The following EPB41L4A variants were observed in gnomAD, a reference collection of about 807,000 sequenced individuals.
The protein encoded by EPB41L4A is erythrocyte membrane protein band 4.1 like 4A.
EPB41L4A carries 100 observed loss-of-function variants against 108.6 expected under a neutral mutation model. The observed-to-expected ratio is 0.92, with a 90% CI of 0.78 to 1.09. The LOEUF (loss-of-function observed/expected upper bound fraction) is 1.09, where lower values mean the gene tolerates loss of function less well. Among genes scored for constraint, EPB41L4A ranks in the 50% least tolerant of loss-of-function variants. EPB41L4A has a pLI of 0.00. For missense variants in EPB41L4A, 1,030 were observed against 842.7 expected (o/e 1.22, Z -2.75); for synonymous variants, 319 against 289.0 (o/e 1.10, Z -1.05).
intron 15 of EPB41L4A, among the ~76,000 whole-genome samples, chr5:112,203,454 T>A (rs1212684173): frequency 6.6e-6 from 1 of 152,180 alleles, no homozygotes; most frequent in Non-Finnish European, 1.5e-5. Context: ...GTCCCTGCCA[T>A]GTAGGAGTGA....
At chr5:112,264,737 G>T in intron 6 of EPB41L4A, 159 bp downstream of exon 6, 1 of 625,806 alleles carries the variant, frequency 1.6e-6, no homozygotes, top group Admixed American at 3.3e-5. Context: ...AGTTTTCGAT[G>T]AGCATTTTAG....
At chr5:112,189,099 A>C (rs553242743) in intron 17 of EPB41L4A, among the ~76,000 whole-genome samples, 2 of 152,366 alleles carry the variant, frequency 1.3e-5, no homozygotes, top group South Asian at 4.1e-4. Flanking sequence ...GACATCTAAA[A>C]GACCCCAATG....
At chr5:112,404,579 A>G (rs1018552698) in intron 1 of EPB41L4A, among the ~76,000 whole-genome samples, 1 of 152,220 alleles carries the variant, frequency 6.6e-6, no homozygotes. Context: ...AAGCTAGGAA[A>G]TGAAGGAGCT....
At chr5:112,281,738 A>G (rs1405067614) in intron 2 of EPB41L4A, among the ~76,000 whole-genome samples, 1 of 152,252 alleles carries the variant, frequency 6.6e-6, no homozygotes, top group African/African-American at 2.4e-5. Context: ...AACGGTAGCA[A>G]TAATTATAAA....
intron 1 of EPB41L4A, among the ~76,000 whole-genome samples, chr5:112,375,411 C>G (rs1053283259): frequency 6.6e-6 from 1 of 151,048 alleles, no homozygotes; most frequent in African/African-American, 2.4e-5. Flanking sequence ...TACATGAGAT[C>G]CAGAGTCTCA....
At chr5:112,369,507 T>G (rs536839265) in intron 1 of EPB41L4A, among the ~76,000 whole-genome samples, 1 of 152,358 alleles carries the variant, frequency 6.6e-6, no homozygotes, top group African/African-American at 2.4e-5. Context: ...CTATCTTATA[T>G]GCTATGTATT....
chr5:112,386,800 G>A (rs1212714644), intron 1 of EPB41L4A, among the ~76,000 whole-genome samples: 1 of 152,216 alleles, frequency 6.6e-6, no homozygotes, highest in Non-Finnish European at 1.5e-5. Context: ...AGACTGAATA[G>A]ATGGAAAGGC....
intron 1 of EPB41L4A, among the ~76,000 whole-genome samples, chr5:112,344,502 C>G (rs1757514679): frequency 6.6e-6 from 1 of 152,224 alleles, no homozygotes; most frequent in East Asian, 1.9e-4. Context: ...TTTAAGTGAA[C>G]TTGGTTAGGC....
chr5:112,213,925 T>G (rs1238018756), intron 12 of EPB41L4A, among the ~76,000 whole-genome samples: 1 of 152,252 alleles, frequency 6.6e-6, no homozygotes, highest in African/African-American at 2.4e-5. Context: ...AATAATATAT[T>G]TTAACCACTG....
Position 112,216,976 on chromosome 5 carries a change from A to AT in EPB41L4A, c.1088-6995dup, listed in dbSNP as rs564536334. 4.8e-3 allele frequency among the ~76,000 whole-genome samples: 701 copies of AT among 147,320 alleles called. 1 individual carries two copies. Among genetic ancestry groups the AT allele is most frequent in the African/African-American group, 0.011 (448 of 40,486 alleles). ...TATATAATTTTCCTATCATCATGGA[A>AT]TTTTTTTTTTTTTGAGACAGAGTCT... is the stretch of plus-strand genomic sequence containing the variant. On this transcript the variant is annotated intron_variant, in intron 12 of 22. Transcript: ENST00000261486.
intron 12 of EPB41L4A, among the ~76,000 whole-genome samples, chr5:112,217,072 G>A (rs1016489783): frequency 4.0e-5 from 6 of 151,752 alleles, no homozygotes; most frequent in Non-Finnish European, 8.8e-5. Context: ...AGCCTCCCGA[G>A]TAGCTGGGAT....
intron 1 of EPB41L4A, among the ~76,000 whole-genome samples, chr5:112,364,450 G>A (rs558821094): frequency 2.6e-5 from 4 of 152,006 alleles, no homozygotes; most frequent in African/African-American, 7.2e-5. Context: ...TTAATTTCTC[G>A]CCAGTAATAC....
intron 1 of EPB41L4A, among the ~76,000 whole-genome samples, chr5:112,331,958 T>G (rs1321627147): frequency 1.3e-5 from 2 of 152,214 alleles, no homozygotes; most frequent in Non-Finnish European, 2.9e-5. Context: ...AGCCAGGGGT[T>G]AGAATCATAG....
chr5:112,372,230 T>G (rs1253645196), intron 1 of EPB41L4A, among the ~76,000 whole-genome samples: 1 of 152,180 alleles, frequency 6.6e-6, no homozygotes, highest in African/African-American at 2.4e-5. Flanking sequence ...AGGCATCTTT[T>G]CACACGGTGA....
At chr5:112,201,877 C>T (rs969018794) in intron 15 of EPB41L4A, among the ~76,000 whole-genome samples, 4 of 152,194 alleles carry the variant, frequency 2.6e-5, no homozygotes, top group African/African-American at 4.8e-5. Flanking sequence ...ATGTGTGCCA[C>T]AGAGGACAAG....
intron 18 of EPB41L4A, chr5:112,173,672 C>G (rs1363580130): frequency 2.1e-5 from 3 of 143,658 alleles, no homozygotes; most frequent in African/African-American, 7.8e-5. Context: ...GAGAGAGAGT[C>G]TCGCTCTGTC....
chr5:112,297,096 T>C (rs969936175), intron 2 of EPB41L4A, among the ~76,000 whole-genome samples: 3 of 152,136 alleles, frequency 2.0e-5, no homozygotes, highest in African/African-American at 7.2e-5. Context: ...TGTGCTGCTA[T>C]AAACATGGGT....
At chr5:112,282,827 G>C (rs1753054816) in intron 2 of EPB41L4A, among the ~76,000 whole-genome samples, 1 of 152,290 alleles carries the variant, frequency 6.6e-6, no homozygotes, top group South Asian at 2.1e-4. Flanking sequence ...GCAGAAATCA[G>C]AGTTTTAAAT....
At chr5:112,150,147 T>C (rs904645627) in intron 12 of EPB41L4A, among the ~76,000 whole-genome samples, 1 of 152,206 alleles carries the variant, frequency 6.6e-6, no homozygotes, top group African/African-American at 2.4e-5. Context: ...TTTACACTTA[T>C]GTGTAGTCTG....
Sources: gnomAD v4.1 joint callset for allele counts (sites outside exome capture counted in the v4.1 genomes callset) on GRCh38, gnomAD v4.1.1 for gene constraint, MANE v1.5 for transcripts, NCBI Gene and HGNC (gene_info 2026-07-23, HGNC 2026-07-21) for gene names.